Variants in SLC39A3 observed in about 807,000 individuals in gnomAD.
SLC39A3 encodes the protein zinc transporter ZIP3.
In SLC39A3, 3 loss-of-function variants were observed where a neutral mutation model predicts 5.1. The observed-to-expected ratio is 0.59, with a 90% CI of 0.27 to 1.54. The LOEUF (loss-of-function observed/expected upper bound fraction) is 1.54, where lower values mean the gene tolerates loss of function less well. SLC39A3 is among the 40% of genes most tolerant of loss of function. The pLI, the probability that SLC39A3 is intolerant of heterozygous loss-of-function variation, is 0.12. For missense variants in SLC39A3, 412 were observed against 436.4 expected (o/e 0.94, Z 0.50); for synonymous variants, 250 against 218.8 (o/e 1.14, Z -1.26).
In SLC39A3 at chr19:2,735,881, T is replaced by G; in HGVS notation, c.210+1167A>C. On this transcript the variant is annotated intron_variant, in intron 2 of 2. Transcript: ENST00000269740. This position sits in a 1 kb window ranked among gnomAD's most constrained non-coding sequence, Gnocchi z 5.7. ...CCCAGACAACAGCCCTTCTCCTCCT[T>G]TCTGGACACTAGGCACGAGGAAAAG... The G allele has an allele frequency of 1.0e-6, 1 of 985,478 alleles. No homozygotes were observed. The highest frequency in any genetic ancestry group is 1.1e-4 in the East Asian group (1 of 8,816). The allele number at this position is 985,478 out of a possible 1,614,324, so 61.0% of individuals were successfully genotyped here.
Position 2,733,609 on chromosome 19 carries a change from A to G in SLC39A3, c.211-124T>C. 1 of 1,305,270 alleles carries G rather than the reference A, an allele frequency of 7.7e-7. No homozygotes were observed. Among genetic ancestry groups the G allele is most frequent in the Non-Finnish European group, 1.0e-6 (1 of 972,412 alleles). The allele number at this position is 1,305,270 out of a possible 1,614,324, so 80.9% of individuals were successfully genotyped here. On this transcript the variant is annotated intron_variant, in intron 2 of 2. Transcript: ENST00000269740. This position sits in a 1 kb window ranked among gnomAD's most constrained non-coding sequence, Gnocchi z 6.1. The stretch of plus-strand genomic sequence containing the variant: ...ATCCCCGATTCACACAGAGGTTAAA[A>G]CAAGTGGGAGAGGAAGGGCTCGCCT...
At position 2,733,034 on chromosome 19, in the gene SLC39A3, C is replaced by T. The variant is rs201755612; in HGVS notation, c.662G>A (p.Arg221Gln). 5.5e-5 allele frequency: 88 copies of T among 1,607,796 alleles called. No individual in the cohort carries two copies. The highest frequency in any genetic ancestry group is 4.2e-4 in the Admixed American group (25 of 59,570). Residue 221 changes from arginine to glutamine, a missense_variant, in exon 3 of 3, where the codon CGG becomes CAG. By Grantham distance (43) the Arg-to-Gln change is conservative (BLOSUM62 1). Coordinates refer to ENST00000269740, the MANE Select transcript of SLC39A3 (RefSeq NM_144564.5). The surrounding 1 kb of genome is among the most constrained non-coding windows in gnomAD (Gnocchi z 6.1). ...CGCGTCCCGCAGGGGCATGGCACTC[C>T]GGGCCATGCTGATGCCCAGGGCCAC... is the stretch of plus-strand genomic sequence containing the variant. ...VAVALGISMA[R>Q]SAMPLRDAAK...
At position 2,732,548 on chromosome 19, in the gene SLC39A3, G is replaced by C. The variant is rs1273679684; in HGVS notation, c.*203C>G. 7.0e-7 allele frequency: 1 copy of C among 1,427,628 alleles called. No individual in the cohort carries two copies. The highest frequency in any genetic ancestry group is 9.1e-7 in the Non-Finnish European group (1 of 1,095,534). The allele number at this position is 1,427,628 out of a possible 1,614,324, so 88.4% of individuals were successfully genotyped here. A position where few individuals can be genotyped will look rare whatever the true frequency, so the allele number is the denominator to read the frequency against. ...CTTTGGTAAAGACTTTTAAGAGAAA[G>C]AAGTATTTTAAAAAGTAGCAGTGCT... is the stretch of plus-strand genomic sequence containing the variant. On this transcript the variant is annotated 3_prime_UTR_variant, in exon 3 of 3. Transcript: ENST00000269740.
At chr19:2,736,218 G>A in intron 2 of SLC39A3, 1 of 984,580 alleles carries the variant, frequency 1.0e-6, no homozygotes, top group South Asian at 4.7e-5. Context: ...AGAAGCCCCT[G>A]CCTCTTGACA....
Position 2,737,373 on chromosome 19 carries a change from C to A in SLC39A3, c.-116G>T. The A allele has an allele frequency of 6.8e-7, 1 of 1,466,970 alleles. No homozygotes were observed. The highest frequency in any genetic ancestry group is 9.0e-7 in the Non-Finnish European group (1 of 1,106,508). 90.9% of individuals were successfully genotyped at this position (1,466,970 alleles called of 1,614,324 possible). ...CACAGTTGGAGGCTCATGTCTCAGTCCAGCAACTGTGAACATCAGGGGCAC... is the reference window on the plus strand; with the variant it reads ...CACAGTTGGAGGCTCATGTCTCAGTACAGCAACTGTGAACATCAGGGGCAC... On this transcript the variant is annotated 5_prime_UTR_variant, in exon 2 of 3. Coordinates refer to ENST00000269740, the MANE Select transcript of SLC39A3 (RefSeq NM_144564.5).
intron 2 of SLC39A3, chr19:2,736,324 TG>T: frequency 3.2e-6 from 1 of 314,096 alleles, no homozygotes; most frequent in Non-Finnish European, 4.6e-6. Flanking sequence ...AGGGATACCC[TG>T]TCACCTCTGC....
intron 1 of SLC39A3, among the ~76,000 whole-genome samples, chr19:2,738,354 A>G (rs4806874): frequency 0.45 from 68,445 of 151,954 alleles, 18,270 homozygotes; most frequent in African/African-American, 0.75. Flanking sequence ...ACTGCAGAAC[A>G]TGCTATTGGA....
In SLC39A3 at chr19:2,737,178, A is replaced by ACGGGGAG. The variant is rs1914397254; in HGVS notation, c.73_79dup (p.Val27AlafsTer11). On this transcript the variant is annotated frameshift_variant, in exon 2 of 3. Coordinates refer to ENST00000269740, the MANE Select transcript of SLC39A3 (RefSeq NM_144564.5). LOFTEE classifies it high-confidence loss of function. ...CTCAAAATCTGTCTCGATGATCTTC[A>ACGGGGAG]CGGGGAGCAGGGAGCCGAGCAGCAT... is the stretch of plus-strand genomic sequence containing the variant. The ACGGGGAG allele has an allele frequency of 6.2e-7, 1 of 1,614,126 alleles. No individual in the cohort carries two copies. The highest frequency in any genetic ancestry group is 2.2e-5 in the East Asian group (1 of 44,886).
intron 2 of SLC39A3, chr19:2,736,025 C>T (rs1408489507): frequency 1.4e-5 from 14 of 985,298 alleles, no homozygotes; most frequent in Admixed American, 6.2e-5. Context: ...TCACATCTGG[C>T]ACTGGCCCAG....
chr19:2,732,947 A>G lies in SLC39A3; in HGVS notation c.749T>C (p.Ile250Thr), dbSNP rs1033299237. ...GCCCGGCACGCCCTGGGCGCTCTCA[A>G]TGCCCAGGCCCAGGCCGATGCCCAG... ...IPLGIGLGLG[I>T]ESAQGVPGSV... The change falls in exon 3 of 3, where the codon ATT becomes ACT. Residue 250 changes from isoleucine (I) to threonine (T), a missense_variant. Transcript: ENST00000269740. The G allele has an allele frequency of 1.9e-6, 3 of 1,607,946 alleles. No homozygotes were observed. In the African/African-American group the frequency reaches 4.0e-5, roughly 22 times the overall value.
At chr19:2,737,025 G>C (rs1914390725) in intron 2 of SLC39A3, 23 bp downstream of exon 2, 2 of 1,613,746 alleles carry the variant, frequency 1.2e-6, no homozygotes, top group Middle Eastern at 1.7e-4. Context: ...AAGGGCTGCT[G>C]CTAGTGCCCA....
intron 1 of SLC39A3, among the ~76,000 whole-genome samples, chr19:2,738,107 G>A (rs1914431693): frequency 6.9e-6 from 1 of 145,060 alleles, no homozygotes; most frequent in South Asian, 2.2e-4. Flanking sequence ...GCTGAGGCAA[G>A]AGAATCGCTT....
Position 2,737,334 on chromosome 19 carries a change from A to G in SLC39A3, c.-77T>C, listed in dbSNP as rs1204380033. 2 of 1,507,644 alleles carry G rather than the reference A, an allele frequency of 1.3e-6. No individual in the cohort carries two copies. Among genetic ancestry groups the G allele is most frequent in the South Asian group, 1.3e-5 (1 of 76,586 alleles). 93.4% of individuals were successfully genotyped at this position (1,507,644 alleles called of 1,614,324 possible). A position where few individuals can be genotyped will look rare whatever the true frequency, so the allele number is the denominator to read the frequency against. On this transcript the variant is annotated 5_prime_UTR_variant, in exon 2 of 3. It removes the in-frame stop codon of an upstream open reading frame in the 5' UTR. Transcript: ENST00000269740. Reference sequence around the variant, plus strand: ...GCACACCCAAGTCCCACGATGTGCTACCGAGCCCAACCACACAGTTGGAGG... The same window carrying G: ...GCACACCCAAGTCCCACGATGTGCTGCCGAGCCCAACCACACAGTTGGAGG...
Position 2,733,589 on chromosome 19 carries a change from C to T in SLC39A3, c.211-104G>A, listed in dbSNP as rs114997372. 2.6e-4 allele frequency: 367 copies of T among 1,421,608 alleles called. 1 individual carries two copies. The African/African-American group carries it at 3.9e-3, about 15-fold the overall frequency. The allele number at this position is 1,421,608 out of a possible 1,614,324, so 88.1% of individuals were successfully genotyped here. A position where few individuals can be genotyped will look rare whatever the true frequency, so the allele number is the denominator to read the frequency against. On this transcript the variant is annotated intron_variant, in intron 2 of 2. Coordinates refer to ENST00000269740, the MANE Select transcript of SLC39A3 (RefSeq NM_144564.5). This position sits in a 1 kb window ranked among gnomAD's most constrained non-coding sequence, Gnocchi z 6.1. ...GTTCAAAGCAAAGTCCAGAAATCCC[C>T]GATTCACACAGAGGTTAAAACAAGT...
In SLC39A3 at chr19:2,732,551, G is replaced by T; in HGVS notation, c.*200C>A. The T allele has an allele frequency of 7.0e-7, 1 of 1,427,606 alleles. No individual in the cohort carries two copies. Among genetic ancestry groups the T allele is most frequent in the Non-Finnish European group, 9.1e-7 (1 of 1,095,406 alleles). The allele number at this position is 1,427,606 out of a possible 1,614,324, so 88.4% of individuals were successfully genotyped here. On this transcript the variant is annotated 3_prime_UTR_variant, in exon 3 of 3. Transcript: ENST00000269740. ...TGGTAAAGACTTTTAAGAGAAAGAA[G>T]TATTTTAAAAAGTAGCAGTGCTCTG...
In SLC39A3 at chr19:2,737,242, C is replaced by T; in HGVS notation, c.16G>A (p.Val6Met). ...CCCACCATGCACAGGATTTTGGCCA[C>T]TAGCAATTTCACCATGGTGGCGGCT... Reference protein sequence around the residue: MVKLLVAKILCMVGVF... With the variant: MVKLLMAKILCMVGVF... Residue 6 changes from valine (V) to methionine (M), a missense_variant, in exon 2 of 3, where the codon GTG (valine) becomes ATG (methionine). Coordinates refer to ENST00000269740, the MANE Select transcript of SLC39A3 (RefSeq NM_144564.5). 6 of 1,613,474 alleles carry T rather than the reference C, an allele frequency of 3.7e-6. No individual in the cohort carries two copies. Among genetic ancestry groups the T allele is most frequent in the Non-Finnish European group, 3.4e-6 (4 of 1,179,598 alleles).
chr19:2,737,318 A>T lies in SLC39A3; in HGVS notation c.-61T>A. ...CAAACCATCTGTGGGCGCACACCCA[A>T]GTCCCACGATGTGCTACCGAGCCCA... On this transcript the variant is annotated 5_prime_UTR_variant, in exon 2 of 3. In the 5' UTR this introduces an upstream ATG that the reference lacks. Coordinates refer to ENST00000269740, the MANE Select transcript of SLC39A3 (RefSeq NM_144564.5). 6.6e-7 allele frequency: 1 copy of T among 1,526,034 alleles called. No individual in the cohort carries two copies. Among genetic ancestry groups the T allele is most frequent in the Non-Finnish European group, 8.8e-7 (1 of 1,131,944 alleles). 94.5% of individuals were successfully genotyped at this position (1,526,034 alleles called of 1,614,324 possible).
rs945302042 is a variant in SLC39A3, at chr19:2,735,035, C to T, written c.211-1550G>A. On this transcript the variant is annotated intron_variant, in intron 2 of 2. Coordinates refer to ENST00000269740, the MANE Select transcript of SLC39A3 (RefSeq NM_144564.5). This position sits in a 1 kb window ranked among gnomAD's most constrained non-coding sequence, Gnocchi z 5.7. ...CCTGACCAGCCCGAGGACAGGAGAA[C>T]GGCGGGAAAGGTTTGGGTGCCATGA... 25 of 985,172 alleles carry T rather than the reference C, an allele frequency of 2.5e-5. No individual in the cohort carries two copies. The highest frequency in any genetic ancestry group is 9.4e-5 in the South Asian group (2 of 21,282). The allele number at this position is 985,172 out of a possible 1,614,324, so 61.0% of individuals were successfully genotyped here. A position where few individuals can be genotyped will look rare whatever the true frequency, so the allele number is the denominator to read the frequency against.
chr19:2,738,549 T>C (rs1237571027), intron 1 of SLC39A3, among the ~76,000 whole-genome samples: 2 of 152,148 alleles, frequency 1.3e-5, no homozygotes, highest in African/African-American at 2.4e-5. Context: ...CACTGCTCTC[T>C]TTCCCCTGAC....
Sources: allele counts gnomAD v4.1 joint callset (sites outside exome capture counted in the v4.1 genomes callset), GRCh38; gene constraint gnomAD v4.1.1; non-coding constraint Gnocchi (gnomAD v3.1); transcripts MANE v1.5; gene names NCBI Gene and HGNC (gene_info 2026-07-23, HGNC 2026-07-21).